Variants in LAMA2 observed in about 807,000 individuals in gnomAD.
The protein encoded by LAMA2 is laminin subunit alpha-2.
A neutral mutation model predicts 364.8 loss-of-function variants in LAMA2; 269 were observed. That is an observed-to-expected ratio of 0.74 (90% CI 0.67 to 0.82). The LOEUF (loss-of-function observed/expected upper bound fraction) is 0.82, where lower values mean the gene tolerates loss of function less well. Ranked by LOEUF, LAMA2 falls within the 40% of genes least tolerant of loss-of-function variation. LAMA2 has a pLI of 0.00. For missense variants in LAMA2, 3,807 were observed against 3,873.2 expected, an observed-to-expected ratio of 0.98 and a Z score of 0.45; for synonymous variants, 1,379 against 1,370.6, an observed-to-expected ratio of 1.01 and a Z score of -0.14.
intron 21 of LAMA2, among the ~76,000 whole-genome samples, chr6:129,299,859 T>C (rs920185939): frequency 5.9e-5 from 9 of 152,310 alleles, no homozygotes; most frequent in East Asian, 3.9e-4. Flanking sequence ...AATGATTTAG[T>C]CATCATATAA....
At chr6:129,040,474 T>A (rs1199720534) in intron 1 of LAMA2, among the ~76,000 whole-genome samples, 1 of 150,890 alleles carries the variant, frequency 6.6e-6, no homozygotes, top group Non-Finnish European at 1.5e-5. Context: ...AAAAAAAAAA[T>A]AGAAATTAGC....
At chr6:129,230,474 G>A (rs1784612200) in intron 12 of LAMA2, among the ~76,000 whole-genome samples, 1 of 152,054 alleles carries the variant, frequency 6.6e-6, no homozygotes, top group African/African-American at 2.4e-5. Flanking sequence ...TACTTTTATG[G>A]GATGTGGAAT....
In LAMA2 at chr6:129,320,562, A is replaced by G. The variant is rs986006686; in HGVS notation, c.4083A>G (p.Val1361=). 1 of 1,610,694 alleles carries G rather than the reference A, an allele frequency of 6.2e-7. No homozygotes were observed. The highest frequency in any genetic ancestry group is 8.5e-7 in the Non-Finnish European group (1 of 1,176,908). ...GGATTTCTGAAATCTCAATGGAGGT[A>G]GCTGAACAAGGACGTGGAACAACAA... ...QSRISEISME[V]AEQGRGTTMT... Residue 1361 remains valine (V), a synonymous_variant, in exon 28 of 65, where the codon GTA becomes GTG. Coordinates refer to ENST00000421865, the MANE Select transcript of LAMA2 (RefSeq NM_000426.4).
At chr6:128,889,918 G>A (rs1776353537) in intron 1 of LAMA2, among the ~76,000 whole-genome samples, 1 of 152,148 alleles carries the variant, frequency 6.6e-6, no homozygotes, top group African/African-American at 2.4e-5. Flanking sequence ...GATCATTGAG[G>A]ATTGCCTATT....
At chr6:129,166,184 A>G (rs1311470779) in intron 9 of LAMA2, among the ~76,000 whole-genome samples, 1 of 152,200 alleles carries the variant, frequency 6.6e-6, no homozygotes, top group Non-Finnish European at 1.5e-5. Context: ...TAATGAACAG[A>G]AAGAGGCTGA....
chr6:129,347,008 A>G (rs1776592461), intron 30 of LAMA2, among the ~76,000 whole-genome samples: 1 of 152,152 alleles, frequency 6.6e-6, no homozygotes, highest in Non-Finnish European at 1.5e-5. Context: ...CTTGGCAGAT[A>G]ACAGGAGGCC....
At chr6:129,168,763 C>A (rs1355913142) in intron 9 of LAMA2, among the ~76,000 whole-genome samples, 5 of 142,356 alleles carry the variant, frequency 3.5e-5, no homozygotes, top group African/African-American at 1.3e-4. Context: ...GGCAGTATGG[C>A]CATTTTCACG....
At chr6:129,049,060 A>AT (rs1456139656) in intron 1 of LAMA2, among the ~76,000 whole-genome samples, 1 of 152,162 alleles carries the variant, frequency 6.6e-6, no homozygotes, top group Non-Finnish European at 1.5e-5. Context: ...CCAAGAACAG[A>AT]TTTTTCAGTT....
intron 3 of LAMA2, among the ~76,000 whole-genome samples, chr6:129,078,631 A>G (rs540359463): frequency 7.9e-5 from 12 of 152,178 alleles, no homozygotes; most frequent in Non-Finnish European, 1.6e-4. Flanking sequence ...ATAATATGGT[A>G]TGGCTATTTT....
At chr6:129,446,254 A>G (rs1782368699) in intron 45 of LAMA2, among the ~76,000 whole-genome samples, 1 of 151,808 alleles carries the variant, frequency 6.6e-6, no homozygotes, top group Non-Finnish European at 1.5e-5. Context: ...AGAAACAAAC[A>G]TTTTACATAT....
intron 12 of LAMA2, among the ~76,000 whole-genome samples, chr6:129,194,752 A>AT (rs1423677487): frequency 2.6e-5 from 4 of 152,186 alleles, no homozygotes; most frequent in African/African-American, 9.7e-5. Flanking sequence ...AACCATGTAA[A>AT]TTTTTGATAC....
intron 12 of LAMA2, among the ~76,000 whole-genome samples, chr6:129,237,366 T>A (rs1243446358): frequency 1.3e-5 from 2 of 152,090 alleles, no homozygotes; most frequent in African/African-American, 4.8e-5. Flanking sequence ...AGATGGAGTC[T>A]TGCTCTATCA....
chr6:129,194,186 A>C (rs995304850), intron 12 of LAMA2, among the ~76,000 whole-genome samples: 1 of 152,122 alleles, frequency 6.6e-6, no homozygotes, highest in African/African-American at 2.4e-5. Flanking sequence ...ATTGCCAAAA[A>C]AATATAAAAA....
At chr6:128,886,291 A>G (rs1316409829) in intron 1 of LAMA2, among the ~76,000 whole-genome samples, 1 of 149,460 alleles carries the variant, frequency 6.7e-6, no homozygotes, top group South Asian at 2.1e-4. Flanking sequence ...TCATATCCAC[A>G]TGTTAAAAAA....
chr6:128,942,982 C>T (rs1283073547), intron 1 of LAMA2, among the ~76,000 whole-genome samples: 1 of 152,178 alleles, frequency 6.6e-6, no homozygotes, highest in Non-Finnish European at 1.5e-5. Context: ...CTCTATAAGA[C>T]TTTCATTGTC....
intron 1 of LAMA2, among the ~76,000 whole-genome samples, chr6:128,886,705 G>A (rs939614779): frequency 2.6e-5 from 4 of 152,178 alleles, no homozygotes; most frequent in Non-Finnish European, 1.5e-5. Context: ...TCTAAAGGCT[G>A]AAGGTGGATC....
intron 1 of LAMA2, among the ~76,000 whole-genome samples, chr6:128,945,392 C>T (rs1489465738): frequency 6.6e-6 from 1 of 152,166 alleles, no homozygotes; most frequent in African/African-American, 2.4e-5. Flanking sequence ...CCTGCTAATC[C>T]ATCTGATCTG....
intron 36 of LAMA2, 113 bp downstream of exon 36, chr6:129,391,766 C>G: frequency 2.3e-6 from 2 of 854,322 alleles, no homozygotes. Context: ...TTTTTCCAAC[C>G]TGGAGATATT....
chr6:128,976,336 C>G (rs1195408691), intron 1 of LAMA2, among the ~76,000 whole-genome samples: 3 of 152,114 alleles, frequency 2.0e-5, no homozygotes, highest in Non-Finnish European at 4.4e-5. Flanking sequence ...TAGCCATGCT[C>G]AAGTGTCCCA....
Sources: gnomAD v4.1 joint callset for allele counts (sites outside exome capture counted in the v4.1 genomes callset) on GRCh38, gnomAD v4.1.1 for gene constraint, MANE v1.5 for transcripts, NCBI Gene and HGNC (gene_info 2026-07-23, HGNC 2026-07-21) for gene names.